GDPD5: variants seen among roughly 807,000 people sequenced by gnomAD.
The protein encoded by GDPD5 is glycerophosphodiester phosphodiesterase 2.
A neutral mutation model predicts 75.1 loss-of-function variants in GDPD5; 48 were observed. The observed-to-expected ratio is 0.64, with a 90% CI of 0.51 to 0.81. The LOEUF is 0.81. Ranked by LOEUF, GDPD5 falls within the 40% of genes least tolerant of loss-of-function variation. The pLI, the probability that GDPD5 is intolerant of heterozygous loss-of-function variation, is 0.00. For missense variants in GDPD5, 706 were observed against 822.6 expected, an observed-to-expected ratio of 0.86 and a Z score of 1.73; for synonymous variants, 336 against 339.0, an observed-to-expected ratio of 0.99 and a Z score of 0.10.
intron 1 of GDPD5, chr11:75,506,819 T>A (rs907623822): frequency 2.4e-4 from 36 of 152,070 alleles, no homozygotes; most frequent in African/African-American, 8.7e-4. Context: ...CTTCCAAGAT[T>A]TGGGAACTGA....
At chr11:75,483,627 C>A (rs990062241) in intron 2 of GDPD5, among the ~76,000 whole-genome samples, 4 of 152,190 alleles carry the variant, frequency 2.6e-5, no homozygotes, top group African/African-American at 4.8e-5. Context: ...CCTTACTTTA[C>A]CCATCAGGGA....
rs144535854 is a variant in GDPD5 at position 75,436,974 on chromosome 11, C to T, written c.1631G>A (p.Arg544Gln). Residue 544 changes from arginine to glutamine, a missense_variant, in exon 16 of 17, where the codon CGG becomes CAG. Coordinates refer to ENST00000336898, the MANE Select transcript of GDPD5 (RefSeq NM_030792.8). ...CTTCTCCTTCATGATGCTGACGTCCCGGCTGGTCCGGCGCACCGCAGCACT... is the reference window on the plus strand; with the variant it reads ...CTTCTCCTTCATGATGCTGACGTCCTGGCTGGTCCGGCGCACCGCAGCACT... ...MLSAAVRRTS[R>Q]DVSIMKEKLI... The T allele has an allele frequency of 7.2e-4, 1,169 of 1,613,390 alleles. No individual in the cohort carries two copies. The highest frequency in any genetic ancestry group is 9.5e-4 in the Non-Finnish European group (1,119 of 1,179,980).
intron 1 of GDPD5, among the ~76,000 whole-genome samples, chr11:75,516,838 G>A (rs1158471848): frequency 2.0e-5 from 3 of 152,252 alleles, no homozygotes; most frequent in African/African-American, 7.2e-5. Context: ...CATCCTGCCA[G>A]TAAGTGACAA....
chr11:75,476,477 G>A (rs973848417), intron 3 of GDPD5, among the ~76,000 whole-genome samples: 5 of 151,850 alleles, frequency 3.3e-5, no homozygotes, highest in African/African-American at 9.7e-5. Context: ...CCCACGGTCT[G>A]TACCCCTCCA....
chr11:75,511,475 C>T (rs1950517796), intron 1 of GDPD5, among the ~76,000 whole-genome samples: 1 of 152,178 alleles, frequency 6.6e-6, no homozygotes, highest in Admixed American at 6.5e-5. Context: ...CCTGAGAAGG[C>T]CTGTTTGGAT....
At chr11:75,486,204 G>A (rs1017471060) in intron 2 of GDPD5, among the ~76,000 whole-genome samples, 3 of 152,170 alleles carry the variant, frequency 2.0e-5, no homozygotes, top group Non-Finnish European at 2.9e-5. Context: ...GCTGCTCGAG[G>A]AAAAGGGAAG....
chr11:75,518,459 G>T (rs568929377), intron 1 of GDPD5, among the ~76,000 whole-genome samples: 2 of 152,320 alleles, frequency 1.3e-5, no homozygotes, highest in South Asian at 4.1e-4. Context: ...ATCACCAGGG[G>T]AGCTTCATCA....
At position 75,435,496 on chromosome 11, in the gene GDPD5, C is replaced by T. The variant is rs781332651; in HGVS notation, c.*11G>A. On this transcript the variant is annotated 3_prime_UTR_variant, in exon 17 of 17. Coordinates refer to ENST00000336898, the MANE Select transcript of GDPD5 (RefSeq NM_030792.8). The stretch of plus-strand genomic sequence containing the variant: ...CTGTGTCAGGTACAGGTGGGACAGA[C>T]ATGTCTTCAGCTAACGCCCACTCCG... 1.3e-6 allele frequency: 2 copies of T among 1,588,762 alleles called. No individual in the cohort carries two copies. Among genetic ancestry groups the T allele is most frequent in the Non-Finnish European group, 1.7e-6 (2 of 1,167,394 alleles).
chr11:75,486,819 C>A (rs1419351056), intron 2 of GDPD5, among the ~76,000 whole-genome samples: 1 of 152,116 alleles, frequency 6.6e-6, no homozygotes, highest in Admixed American at 6.5e-5. Flanking sequence ...ATGGTGAGAT[C>A]TATGCAGAAT....
intron 1 of GDPD5, among the ~76,000 whole-genome samples, chr11:75,492,197 A>G (rs1950121960): frequency 6.6e-6 from 1 of 152,128 alleles, no homozygotes; most frequent in African/African-American, 2.4e-5. Context: ...ATCCTGCCCA[A>G]TAGGCTGGGT....
chr11:75,498,418 C>T (rs1223149350), intron 1 of GDPD5, among the ~76,000 whole-genome samples: 1 of 152,134 alleles, frequency 6.6e-6, no homozygotes, highest in African/African-American at 2.4e-5. Context: ...TGGGGATGGG[C>T]CACAGTGGCT....
intron 1 of GDPD5, among the ~76,000 whole-genome samples, chr11:75,502,044 C>T (rs1041317330): frequency 2.0e-5 from 3 of 152,208 alleles, no homozygotes; most frequent in Admixed American, 2.0e-4. Flanking sequence ...ATGGCTTCCT[C>T]ATGATGGTAC....
At chr11:75,516,400 C>G (rs1950640260) in intron 1 of GDPD5, among the ~76,000 whole-genome samples, 1 of 152,206 alleles carries the variant, frequency 6.6e-6, no homozygotes, top group African/African-American at 2.4e-5. Context: ...GTTGATGTAC[C>G]CTCTCTGGCT....
At chr11:75,515,586 ATGTTCTGGGTCCAGGGCTATCCCCAGAAC>A (rs1450177290) in intron 1 of GDPD5, among the ~76,000 whole-genome samples, 1 of 152,228 alleles carries the variant, frequency 6.6e-6, no homozygotes, top group East Asian at 1.9e-4. Flanking sequence ...CATGAGGAAC[ATGTTCTGGGTCCAGGGCTATCCCCAGAAC>A]TGTGGCAATG....
chr11:75,508,500 T>G (rs1344823767), intron 1 of GDPD5: 1 of 152,182 alleles, frequency 6.6e-6, no homozygotes, highest in East Asian at 1.9e-4. Flanking sequence ...AATTCAAGGT[T>G]GCACAGGCAC....
chr11:75,453,385 G>C (rs996481870), intron 6 of GDPD5, among the ~76,000 whole-genome samples: 1 of 152,150 alleles, frequency 6.6e-6, no homozygotes. Flanking sequence ...TTGGGAGGCC[G>C]AGGTGGGCGG....
At chr11:75,468,859 G>A (rs530631464) in intron 3 of GDPD5, among the ~76,000 whole-genome samples, 1 of 152,360 alleles carries the variant, frequency 6.6e-6, no homozygotes, top group South Asian at 2.1e-4. Flanking sequence ...CCCACCGGCT[G>A]TGTGGCTGTA....
chr11:75,475,708 CTGAGG>C (rs1298044468), intron 3 of GDPD5, among the ~76,000 whole-genome samples: 1 of 152,188 alleles, frequency 6.6e-6, no homozygotes, highest in Non-Finnish European at 1.5e-5. Context: ...TTGGGGTCAC[CTGAGG>C]TGAGCTCAGC....
At chr11:75,441,544 G>GAC (rs1948803954) in intron 13 of GDPD5, 102 bp downstream of exon 13, 33 of 68,500 alleles carry the variant, frequency 4.8e-4, no homozygotes, top group Non-Finnish European at 9.0e-4. Context: ...CTGCCCGACC[G>GAC]TGTGTGTGTG....
Sources: allele counts gnomAD v4.1 joint callset (sites outside exome capture counted in the v4.1 genomes callset), GRCh38; gene constraint gnomAD v4.1.1; transcripts MANE v1.5; gene names NCBI Gene and HGNC (gene_info 2026-07-23, HGNC 2026-07-21).